The following CERS6 variants were observed in gnomAD, a reference collection of about 807,000 sequenced individuals.
The protein encoded by CERS6 is LAG1 homolog, ceramide synthase 6.
In CERS6, 26 loss-of-function variants were observed where a neutral mutation model predicts 56.8. The ratio of observed to expected loss-of-function variants is 0.46; its 90% confidence interval spans 0.34 to 0.63. The LOEUF (loss-of-function observed/expected upper bound fraction) is 0.63, where lower values mean the gene tolerates loss of function less well. Ranked by LOEUF, CERS6 falls within the 30% of genes least tolerant of loss-of-function variation. CERS6 has a pLI of 0.01. For missense variants in CERS6, 415 were observed against 467.5 expected (o/e 0.89, Z 1.04); for synonymous variants, 164 against 173.3 (o/e 0.95, Z 0.42).
intron 4 of CERS6, among the ~76,000 whole-genome samples, chr2:168,683,760 C>T (rs1283753772): frequency 6.6e-6 from 1 of 152,056 alleles, no homozygotes; most frequent in East Asian, 1.9e-4. Flanking sequence ...GAGGAGAGTC[C>T]ACATCAGAGA....
intron 4 of CERS6, among the ~76,000 whole-genome samples, chr2:168,670,170 C>G (rs1055192059): frequency 3.9e-5 from 6 of 152,152 alleles, no homozygotes; most frequent in African/African-American, 1.4e-4. Flanking sequence ...CCATGGCTAT[C>G]TTATAGAGCA....
chr2:168,620,465 T>C lies in CERS6; in HGVS notation c.408-10520T>C, dbSNP rs183869369. On this transcript the variant is annotated intron_variant, in intron 3 of 9. Transcript: ENST00000305747. ...AAAAAGAAAAAAAGTAGAATGAGCC[T>C]TCTTAGCCAACTAGGACCCATTCCT... Among the ~76,000 whole-genome samples, 4 of 152,276 alleles carry C rather than the reference T, an allele frequency of 2.6e-5. No homozygotes were observed. The East Asian group carries it at 5.8e-4, about 22-fold the overall frequency.
intron 1 of CERS6, among the ~76,000 whole-genome samples, chr2:168,489,605 T>C (rs13429785): frequency 0.077 from 11,750 of 151,994 alleles, 500 homozygotes; most frequent in East Asian, 0.18. Flanking sequence ...TTGGATCATT[T>C]CACTGACTCT....
At chr2:168,619,536 A>T (rs1200411503) in intron 3 of CERS6, among the ~76,000 whole-genome samples, 6 of 152,198 alleles carry the variant, frequency 3.9e-5, no homozygotes, top group Non-Finnish European at 4.4e-5. Context: ...ATCCCATCAA[A>T]AAGTGGGTTA....
At chr2:168,747,503 G>C (rs570893663) in intron 8 of CERS6, among the ~76,000 whole-genome samples, 2 of 152,076 alleles carry the variant, frequency 1.3e-5, no homozygotes, top group African/African-American at 2.4e-5. Flanking sequence ...TTAAAAGATA[G>C]ATAACCGTAA....
chr2:168,659,877 T>A (rs1192945865), intron 4 of CERS6, among the ~76,000 whole-genome samples: 1 of 152,198 alleles, frequency 6.6e-6, no homozygotes, highest in Admixed American at 6.5e-5. Context: ...TGCCATTTTC[T>A]TTGTAGGAAA....
At chr2:168,567,425 C>T (rs544846032) in intron 3 of CERS6, among the ~76,000 whole-genome samples, 35 of 152,318 alleles carry the variant, frequency 2.3e-4, no homozygotes, top group Non-Finnish European at 3.7e-4. Context: ...TACAATTCTG[C>T]TGCAGCATAA....
intron 6 of CERS6, among the ~76,000 whole-genome samples, chr2:168,712,984 A>G (rs1687131558): frequency 6.6e-6 from 1 of 151,880 alleles, no homozygotes; most frequent in Admixed American, 6.6e-5. Flanking sequence ...TTTTTCCCCC[A>G]TAGCACATTT....
intron 3 of CERS6, among the ~76,000 whole-genome samples, chr2:168,606,141 G>A (rs1478537052): frequency 6.6e-6 from 1 of 152,236 alleles, no homozygotes; most frequent in African/African-American, 2.4e-5. Context: ...AAGGGGTGGA[G>A]CTGCCCAAGG....
intron 2 of CERS6, among the ~76,000 whole-genome samples, chr2:168,551,975 C>A (rs962708174): frequency 1.3e-5 from 2 of 152,116 alleles, no homozygotes; most frequent in African/African-American, 4.8e-5. Flanking sequence ...CTTTTCTAAT[C>A]AAATCAGTGC....
At chr2:168,712,562 G>C (rs1366001482) in intron 6 of CERS6, among the ~76,000 whole-genome samples, 3 of 152,132 alleles carry the variant, frequency 2.0e-5, no homozygotes. Context: ...ATGCTACGTA[G>C]AACAGTTACA....
chr2:168,641,099 CAG>C (rs970119296), intron 4 of CERS6, among the ~76,000 whole-genome samples: 7 of 152,096 alleles, frequency 4.6e-5, no homozygotes, highest in African/African-American at 1.4e-4. Flanking sequence ...ACTTAACCAC[CAG>C]ATGTTGATGT....
chr2:168,706,385 T>A (rs977352172), intron 6 of CERS6, among the ~76,000 whole-genome samples: 8 of 152,238 alleles, frequency 5.3e-5, no homozygotes, highest in Non-Finnish European at 1.2e-4. Flanking sequence ...GAGTTCTTGA[T>A]CTTGAAATGG....
chr2:168,544,069 A>T (rs1695419433), intron 1 of CERS6, among the ~76,000 whole-genome samples: 1 of 152,256 alleles, frequency 6.6e-6, no homozygotes, highest in South Asian at 2.1e-4. Flanking sequence ...TGCCAGGCAT[A>T]TAAATGAAAA....
chr2:168,482,561 A>G (rs1321199036), intron 1 of CERS6, among the ~76,000 whole-genome samples: 1 of 152,230 alleles, frequency 6.6e-6, no homozygotes. Context: ...ATTCATGCAA[A>G]AAATTTGATT....
At chr2:168,494,880 G>T (rs969857519) in intron 1 of CERS6, among the ~76,000 whole-genome samples, 1 of 152,238 alleles carries the variant, frequency 6.6e-6, no homozygotes, top group Admixed American at 6.5e-5. Flanking sequence ...CATTCTGTGG[G>T]GTGGGCCAGG....
intron 3 of CERS6, among the ~76,000 whole-genome samples, chr2:168,608,839 A>G (rs771464312): frequency 2.6e-5 from 4 of 152,318 alleles, no homozygotes; most frequent in East Asian, 1.9e-4. Context: ...TTGAAGGGCA[A>G]TGCATTTTGA....
At chr2:168,521,854 A>G (rs1694988357) in intron 1 of CERS6, among the ~76,000 whole-genome samples, 1 of 152,226 alleles carries the variant, frequency 6.6e-6, no homozygotes. Context: ...TTCAGGCCCT[A>G]AGGGGCTTCA....
At chr2:168,528,924 T>C (rs1435494394) in intron 1 of CERS6, among the ~76,000 whole-genome samples, 2 of 152,176 alleles carry the variant, frequency 1.3e-5, no homozygotes, top group Non-Finnish European at 2.9e-5. Flanking sequence ...AAATAAACGA[T>C]TGTGACAATG....
Sources: gnomAD v4.1 joint callset for allele counts (sites outside exome capture counted in the v4.1 genomes callset) on GRCh38, gnomAD v4.1.1 for gene constraint, MANE v1.5 for transcripts, NCBI Gene and HGNC (gene_info 2026-07-23, HGNC 2026-07-21) for gene names.